PRKAR1A: variants seen among roughly 807,000 people sequenced by gnomAD.
The protein encoded by PRKAR1A is cAMP-dependent protein kinase type I-alpha regulatory subunit.
In PRKAR1A, 3 loss-of-function variants were observed where a neutral mutation model predicts 52.0. The observed-to-expected ratio is 0.06, with a 90% confidence interval of 0.03 to 0.15. PRKAR1A has a LOEUF of 0.15. PRKAR1A is among the 10% of genes least tolerant of loss of function. PRKAR1A has a pLI of 1.00. For missense variants in PRKAR1A, 240 were observed against 477.4 expected, an observed-to-expected ratio of 0.50 and a Z score of 4.63; for synonymous variants, 188 against 168.4, an observed-to-expected ratio of 1.12 and a Z score of -0.90.
chr17:68,484,932 A>G, the PRKAR1A span, among the ~76,000 whole-genome samples: 4 of 152,232 alleles, frequency 2.6e-5, no homozygotes, highest in Non-Finnish European at 5.9e-5. Context: ...TGCTATGTTC[A>G]CTTTAAAATG....
At chr17:68,464,930 GT>G in the PRKAR1A span, among the ~76,000 whole-genome samples, 118 of 143,080 alleles carry the variant, frequency 8.2e-4, no homozygotes, top group East Asian at 1.3e-3. Context: ...GGAAGTGTGG[GT>G]TTTTTTTTTT....
chr17:68,481,421 G>A, the PRKAR1A span, among the ~76,000 whole-genome samples: 4 of 152,134 alleles, frequency 2.6e-5, no homozygotes, highest in Non-Finnish European at 4.4e-5. Flanking sequence ...GCAACTAGAC[G>A]GTCCCATCTG....
the PRKAR1A span, among the ~76,000 whole-genome samples, chr17:68,502,255 C>A: frequency 6.6e-6 from 1 of 152,154 alleles, no homozygotes; most frequent in Non-Finnish European, 1.5e-5. Context: ...ATTTAAACTT[C>A]TAAGGCAGGG....
Position 68,542,291 on chromosome 17 carries a change from GA to G in PRKAR1A, c.974-8791del, listed in dbSNP as rs2086336298. The G allele has an allele frequency of 6.6e-6, 7 of 1,060,312 alleles. No individual in the cohort carries two copies. The South Asian group carries it at 1.0e-4, about 15-fold the overall frequency. 65.7% of individuals were successfully genotyped at this position (1,060,312 alleles called of 1,614,324 possible). A position where few individuals can be genotyped will look rare whatever the true frequency, so the allele number is the denominator to read the frequency against. On this transcript the variant is annotated intron_variant, in intron 11 of 11. Transcript: ENST00000585981. Reference sequence around the variant, plus strand: ...ACTCACAGCTCGGGAAGAGAAAGAAGAAGAAGGAAACATTGACTTTTCCAGA... The same window carrying G: ...ACTCACAGCTCGGGAAGAGAAAGAAGAGAAGGAAACATTGACTTTTCCAGA...
chr17:68,531,704 CT>C lies in PRKAR1A; in HGVS notation c.*1259del. 9.4e-7 allele frequency: 1 copy of C among 1,060,478 alleles called. No homozygotes were observed. Among genetic ancestry groups the C allele is most frequent in the Non-Finnish European group, 1.1e-6 (1 of 875,570 alleles). 65.7% of individuals were successfully genotyped at this position (1,060,478 alleles called of 1,614,324 possible). On this transcript the variant is annotated 3_prime_UTR_variant, in exon 11 of 11. Coordinates refer to ENST00000589228, the MANE Select transcript of PRKAR1A (RefSeq NM_002734.5). The stretch of plus-strand genomic sequence containing the variant: ...ATCTAGCATTTATTTCTCTGGCAAA[CT>C]TTTCTTTCTTTTCTTTTTTAAAGTA...
At chr17:68,515,748 CTTAA>C (rs1275706811) in intron 2 of PRKAR1A, 172 bp downstream of exon 2, 5 of 823,208 alleles carry the variant, frequency 6.1e-6, no homozygotes, top group Non-Finnish European at 1.9e-6. Context: ...TTTAAAAATT[CTTAA>C]TTAGTAGAAT....
chr17:68,445,002 C>A, the PRKAR1A span, among the ~76,000 whole-genome samples: 3 of 149,964 alleles, frequency 2.0e-5, no homozygotes, highest in Non-Finnish European at 4.4e-5. Context: ...CTCACTGCAA[C>A]CTCTGCCTCC....
the PRKAR1A span, among the ~76,000 whole-genome samples, chr17:68,486,619 CCTCCTT>C: frequency 4.7e-5 from 7 of 149,466 alleles, no homozygotes; most frequent in African/African-American, 1.5e-4. Context: ...TTCTCTCCTT[CCTCCTT>C]CTCCTTCTCC....
downstream of PRKAR1A, chr17:68,537,672 C>A (rs754152049): frequency 1.2e-6 from 2 of 1,613,772 alleles, no homozygotes; most frequent in Non-Finnish European, 1.7e-6. This position sits in a 1 kb window ranked among gnomAD's most constrained non-coding sequence, Gnocchi z 4.2. Flanking sequence ...GTGATTCTCG[C>A]ATCACATCGC....
chr17:68,454,415 AT>A, the PRKAR1A span, among the ~76,000 whole-genome samples: 5 of 152,174 alleles, frequency 3.3e-5, no homozygotes, highest in South Asian at 2.1e-4. Flanking sequence ...TTTCCCTGGA[AT>A]TTTTTTTCCC....
chr17:68,516,981 G>A (rs929160593), intron 2 of PRKAR1A, among the ~76,000 whole-genome samples: 1 of 152,222 alleles, frequency 6.6e-6, no homozygotes, highest in Non-Finnish European at 1.5e-5. Flanking sequence ...AAGTTGGTGA[G>A]ACATTAAGTG....
chr17:68,503,350 C>T, the PRKAR1A span, among the ~76,000 whole-genome samples: 17 of 152,206 alleles, frequency 1.1e-4, no homozygotes, highest in South Asian at 8.3e-4. Context: ...CCATGTGATC[C>T]AGAAATTGAA....
chr17:68,450,275 T>G, the PRKAR1A span, among the ~76,000 whole-genome samples: 2 of 152,164 alleles, frequency 1.3e-5, no homozygotes, highest in Non-Finnish European at 2.9e-5. Context: ...AAGGGCAGCT[T>G]TCCTGACCCA....
chr17:68,521,032 C>G (rs1233518636), intron 2 of PRKAR1A, among the ~76,000 whole-genome samples: 1 of 152,144 alleles, frequency 6.6e-6, no homozygotes, highest in African/African-American at 2.4e-5. Context: ...ACCTCTGCCT[C>G]CTGGGTTCAG....
chr17:68,490,166 A>G, the PRKAR1A span, among the ~76,000 whole-genome samples: 1 of 152,242 alleles, frequency 6.6e-6, no homozygotes, highest in Non-Finnish European at 1.5e-5. Context: ...ACAGCCCTTC[A>G]GCTCCAGGCT....
chr17:68,507,335 C>G (rs765595633), upstream of PRKAR1A, among the ~76,000 whole-genome samples: 1 of 152,190 alleles, frequency 6.6e-6, no homozygotes, highest in Non-Finnish European at 1.5e-5. Context: ...GGAATGAGAT[C>G]GTGTCCTTTG....
At chr17:68,435,549 A>G in the PRKAR1A span, 7 of 1,482,346 alleles carry the variant, frequency 4.7e-6, no homozygotes, top group East Asian at 4.5e-5. Flanking sequence ...GGTTTGTTCA[A>G]TCCCATCCCT....
At chr17:68,455,165 C>T in the PRKAR1A span, among the ~76,000 whole-genome samples, 1 of 151,988 alleles carries the variant, frequency 6.6e-6, no homozygotes, top group Non-Finnish European at 1.5e-5. Flanking sequence ...AGTTCAAGAC[C>T]AAGCTGGGCA....
At chr17:68,503,300 A>T in the PRKAR1A span, among the ~76,000 whole-genome samples, 2 of 152,222 alleles carry the variant, frequency 1.3e-5, no homozygotes, top group African/African-American at 4.8e-5. Flanking sequence ...TTTAGAATCC[A>T]GTTTGGCAAT....
Sources: allele counts gnomAD v4.1 joint callset (sites outside exome capture counted in the v4.1 genomes callset), GRCh38; gene constraint gnomAD v4.1.1; non-coding constraint Gnocchi (gnomAD v3.1); transcripts MANE v1.5; gene names NCBI Gene and HGNC (gene_info 2026-07-23, HGNC 2026-07-21).